Variants in GABRA5 observed in about 807,000 individuals in gnomAD.
The protein encoded by GABRA5 is gamma-aminobutyric acid type A receptor subunit alpha5, also known as gamma-aminobutyric acid receptor subunit alpha-5.
GABRA5 carries 18 observed loss-of-function variants against 47.3 expected under a neutral mutation model. The observed-to-expected ratio is 0.38, with a 90% CI of 0.26 to 0.56. GABRA5 has a LOEUF of 0.56. Among genes scored for constraint, GABRA5 ranks in the 20% least tolerant of loss-of-function variants. GABRA5 has a pLI of 0.71. For synonymous variants in GABRA5, 237 were observed against 229.3 expected (o/e 1.03, Z -0.30); for missense variants, 365 against 599.3 (o/e 0.61, Z 4.08).
intron 8 of GABRA5, chr15:26,939,532 G>A: frequency 1.5e-6 from 1 of 665,994 alleles, no homozygotes. Flanking sequence ...AAACAGGAAG[G>A]ACTCTGTCCA....
intron 10 of GABRA5, among the ~76,000 whole-genome samples, chr15:26,946,971 G>C (rs1894526581): frequency 6.6e-6 from 1 of 152,066 alleles, no homozygotes; most frequent in African/African-American, 2.4e-5. Flanking sequence ...CAGCAATATG[G>C]GTGATTCTCA....
At chr15:26,884,969 A>G (rs1272627660) in intron 6 of GABRA5, among the ~76,000 whole-genome samples, 1 of 152,064 alleles carries the variant, frequency 6.6e-6, no homozygotes, top group African/African-American at 2.4e-5. Flanking sequence ...GTGTAGGAAA[A>G]CGCAAGGACT....
intron 6 of GABRA5, among the ~76,000 whole-genome samples, chr15:26,886,483 G>C (rs1039871950): frequency 6.6e-6 from 1 of 152,152 alleles, no homozygotes; most frequent in African/African-American, 2.4e-5. Context: ...CAGACACAGC[G>C]TCCTTCAGCC....
At chr15:26,946,255 A>C (rs950682681) in intron 10 of GABRA5, among the ~76,000 whole-genome samples, 1 of 152,176 alleles carries the variant, frequency 6.6e-6, no homozygotes. Context: ...ATATTACTTT[A>C]GTAGTGGAAC....
At chr15:26,866,990 C>T (rs548660622), upstream of GABRA5, 1 of 152,392 alleles carries the variant, frequency 6.6e-6, no homozygotes, top group African/African-American at 2.4e-5. Flanking sequence ...GGGCCCTGCG[C>T]CCTCCCCCTC....
chr15:26,893,106 G>T (rs1893053834), intron 6 of GABRA5, among the ~76,000 whole-genome samples: 1 of 150,938 alleles, frequency 6.6e-6, no homozygotes, highest in Admixed American at 6.6e-5. Flanking sequence ...TGTGGCATGT[G>T]TGTGTCTAGT....
rs534738927 is a variant in GABRA5 at position 26,911,089 on chromosome 15, A to T, written c.498-3714A>T. Among the ~76,000 whole-genome samples the T allele has an allele frequency of 1.1e-4, 16 of 152,280 alleles. No individual in the cohort carries two copies. The South Asian group carries it at 2.5e-3, about 24-fold the overall frequency. On this transcript the variant is annotated intron_variant, in intron 6 of 10. Transcript: ENST00000335625. ...CCTGACTGAGGCTGAAACAGTTCTTATTGAGAGATTTATCTGAATAATACA... is the reference window on the plus strand; with the variant it reads ...CCTGACTGAGGCTGAAACAGTTCTTTTTGAGAGATTTATCTGAATAATACA...
chr15:26,870,838 T>A (rs75192151), intron 3 of GABRA5, among the ~76,000 whole-genome samples: 6,895 of 152,288 alleles, frequency 0.045, 301 homozygotes, highest in East Asian at 0.13. Flanking sequence ...ACCGCATATA[T>A]TTGGTAGCAT....
chr15:26,881,492 A>G (rs771996566), intron 4 of GABRA5, among the ~76,000 whole-genome samples: 6 of 152,210 alleles, frequency 3.9e-5, no homozygotes, highest in Non-Finnish European at 7.3e-5. Context: ...TGTGGAATTC[A>G]ATAAAAATGA....
intron 9 of GABRA5, 100 bp from the exon 10 acceptor site, chr15:26,943,115 C>T: frequency 2.7e-6 from 2 of 737,138 alleles, no homozygotes; most frequent in Non-Finnish European, 4.3e-6. Context: ...ATGACTAGTC[C>T]CCTTTGTGTC....
intron 7 of GABRA5, among the ~76,000 whole-genome samples, chr15:26,926,898 C>T (rs1893973719): frequency 6.6e-6 from 1 of 152,130 alleles, no homozygotes; most frequent in African/African-American, 2.4e-5. Flanking sequence ...CCTAAATTTT[C>T]ATCTTTAACA....
chr15:26,939,581 G>GATTTA lies in GABRA5; in HGVS notation c.725-344_725-343insATTTA, dbSNP rs1894336655. 9 of 608,252 alleles carry GATTTA rather than the reference G, an allele frequency of 1.5e-5. No homozygotes were observed. In the South Asian group the frequency reaches 1.6e-4, roughly 11 times the overall value. 37.7% of individuals were successfully genotyped at this position (608,252 alleles called of 1,614,324 possible). On this transcript the variant is annotated intron_variant, in intron 8 of 10. Coordinates refer to ENST00000335625, the MANE Select transcript of GABRA5 (RefSeq NM_000810.4). ...TCTGTGAAATCCTGAGTTACATCTG[G>GATTTA]GGAGGCTAAATCCTGAAATCCTAAT...
At chr15:26,937,578 T>C (rs1289367605) in intron 8 of GABRA5, among the ~76,000 whole-genome samples, 2 of 152,114 alleles carry the variant, frequency 1.3e-5, no homozygotes, top group Admixed American at 6.5e-5. Context: ...GGGGTTGCGG[T>C]GGACCTGCTT....
chr15:26,916,860 C>A (rs1893727517), intron 7 of GABRA5, among the ~76,000 whole-genome samples: 1 of 151,760 alleles, frequency 6.6e-6, no homozygotes, highest in African/African-American at 2.4e-5. Flanking sequence ...TTTCTAATTT[C>A]TTTTTCAGAT....
chr15:26,931,934 G>A (rs1595431244), intron 7 of GABRA5, among the ~76,000 whole-genome samples: 1 of 151,982 alleles, frequency 6.6e-6, no homozygotes, highest in Middle Eastern at 3.4e-3. Context: ...AATTGAGAGT[G>A]GACTCCTCCC....
At chr15:26,930,223 G>C (rs529490656) in intron 7 of GABRA5, among the ~76,000 whole-genome samples, 1 of 152,036 alleles carries the variant, frequency 6.6e-6, no homozygotes, top group South Asian at 2.1e-4. Context: ...ATATTGGCCA[G>C]GCTGGTCACA....
chr15:26,922,390 G>C (rs911974929), intron 7 of GABRA5, among the ~76,000 whole-genome samples: 3 of 151,992 alleles, frequency 2.0e-5, no homozygotes, highest in African/African-American at 7.2e-5. Flanking sequence ...GGCCAGTCTT[G>C]CTTTCTTTTG....
At chr15:26,893,047 GTGTC>G (rs1893051232) in intron 6 of GABRA5, among the ~76,000 whole-genome samples, 1 of 151,342 alleles carries the variant, frequency 6.6e-6, no homozygotes, top group African/African-American at 2.4e-5. Context: ...GGAGTGTGGT[GTGTC>G]TGTTGTGTGT....
At chr15:26,900,238 A>G (rs954070660) in intron 6 of GABRA5, among the ~76,000 whole-genome samples, 1 of 152,190 alleles carries the variant, frequency 6.6e-6, no homozygotes, top group African/African-American at 2.4e-5. Context: ...ATAGATTTGT[A>G]AATATTTATT....
Sources: gnomAD v4.1 joint callset for allele counts (sites outside exome capture counted in the v4.1 genomes callset) on GRCh38, gnomAD v4.1.1 for gene constraint, MANE v1.5 for transcripts, NCBI Gene and HGNC (gene_info 2026-07-23, HGNC 2026-07-21) for gene names.